The following SLC39A11 variants were observed in gnomAD, a reference collection of about 807,000 sequenced individuals.
SLC39A11 encodes solute carrier family 39 member 11.
Under a neutral mutation model 36.1 loss-of-function variants are expected in SLC39A11, and 33 were observed. The ratio of observed to expected loss-of-function variants is 0.91; its 90% confidence interval spans 0.69 to 1.22. SLC39A11 has a LOEUF of 1.22. SLC39A11 is among the 50% of genes most tolerant of loss of function. The pLI is 0.00. For synonymous variants in SLC39A11, 166 were observed against 170.3 expected (o/e 0.97, Z 0.20); for missense variants, 432 against 430.3 (o/e 1.00, Z -0.03).
At chr17:72,934,395 G>C (rs144547770) in intron 5 of SLC39A11, among the ~76,000 whole-genome samples, 4 of 152,306 alleles carry the variant, frequency 2.6e-5, no homozygotes, top group Non-Finnish European at 4.4e-5. Context: ...GCCGGGCACA[G>C]TGGCTCACAC....
At chr17:72,822,310 G>A (rs1330773656) in intron 6 of SLC39A11, among the ~76,000 whole-genome samples, 3 of 146,960 alleles carry the variant, frequency 2.0e-5, no homozygotes, top group African/African-American at 7.4e-5. Flanking sequence ...TATATAGAGA[G>A]ATATAATATA....
chr17:72,829,953 C>T (rs1461485270), intron 6 of SLC39A11, among the ~76,000 whole-genome samples: 2 of 152,014 alleles, frequency 1.3e-5, no homozygotes, highest in Non-Finnish European at 2.9e-5. Flanking sequence ...GGGATCGGTG[C>T]AGAGTCAGGG....
intron 7 of SLC39A11, among the ~76,000 whole-genome samples, chr17:72,705,895 A>G (rs1022871712): frequency 2.0e-5 from 3 of 152,228 alleles, no homozygotes; most frequent in Non-Finnish European, 2.9e-5. Flanking sequence ...TTAATCCTGG[A>G]TCCAGAGAGT....
chr17:72,687,418 T>C (rs1397332733), intron 7 of SLC39A11, among the ~76,000 whole-genome samples: 1 of 152,220 alleles, frequency 6.6e-6, no homozygotes, highest in African/African-American at 2.4e-5. Flanking sequence ...TAATTTTTTG[T>C]ATTTTTAGTA....
chr17:73,068,013 T>G (rs2060047381), intron 3 of SLC39A11: 2 of 1,593,682 alleles, frequency 1.3e-6, no homozygotes, highest in South Asian at 2.2e-5. Context: ...GCCACAAGTT[T>G]AAGAAACTTT....
At chr17:72,792,784 G>A (rs1361122161) in intron 6 of SLC39A11, among the ~76,000 whole-genome samples, 1 of 152,040 alleles carries the variant, frequency 6.6e-6, no homozygotes, top group Non-Finnish European at 1.5e-5. Context: ...TTTATATGGG[G>A]GTTGCATCTC....
chr17:72,970,864 C>T (rs909639086), intron 4 of SLC39A11, among the ~76,000 whole-genome samples: 2 of 152,240 alleles, frequency 1.3e-5, no homozygotes, highest in Non-Finnish European at 2.9e-5. Flanking sequence ...CTCCTTCGAG[C>T]TGGCCGCATG....
chr17:72,897,075 A>AAAAAAC (rs1309896435), intron 5 of SLC39A11, among the ~76,000 whole-genome samples: 1 of 147,366 alleles, frequency 6.8e-6, no homozygotes, highest in African/African-American at 2.5e-5. Flanking sequence ...AAAAAAACAA[A>AAAAAAC]CAGAAAAACA....
intron 6 of SLC39A11, among the ~76,000 whole-genome samples, chr17:72,792,077 C>T (rs903398796): frequency 2.0e-5 from 3 of 152,172 alleles, no homozygotes; most frequent in Non-Finnish European, 4.4e-5. Flanking sequence ...CCTTTAGTCA[C>T]TGCAGTGGTG....
chr17:72,753,513 G>A (rs762338251), intron 6 of SLC39A11, among the ~76,000 whole-genome samples: 1 of 152,070 alleles, frequency 6.6e-6, no homozygotes, highest in African/African-American at 2.4e-5. Context: ...CTTGCTTTAT[G>A]AGCATGATAA....
intron 4 of SLC39A11, among the ~76,000 whole-genome samples, chr17:72,988,747 T>C (rs2088949946): frequency 6.6e-6 from 1 of 152,168 alleles, no homozygotes; most frequent in Non-Finnish European, 1.5e-5. Context: ...CTCACTCTGT[T>C]GCCCAGTCTG....
chr17:73,088,630 A>T (rs2060820759), intron 2 of SLC39A11, 27 bp downstream of exon 2: 2 of 1,590,416 alleles, frequency 1.3e-6, no homozygotes, highest in Non-Finnish European at 1.7e-6. Context: ...CCCCACCAAC[A>T]TCCAGAACCA....
rs56021607 is a variant in SLC39A11, at chr17:73,062,475, A to AAAAAAAAAAAAAAAC, written c.147+22332_147+22333insGTTTTTTTTTTTTTT. On this transcript the variant is annotated intron_variant, in intron 3 of 9. Coordinates refer to ENST00000255559, the MANE Select transcript of SLC39A11 (RefSeq NM_139177.4). ...AGAGCTTGTCTCAAAAAAAAAAAAA[A>AAAAAAAAAAAAAAAC]AAACTTTAGGTGATACACTTCTGCT... Among the ~76,000 whole-genome samples, 450 of 86,872 alleles carry AAAAAAAAAAAAAAAC rather than the reference A, an allele frequency of 5.2e-3. 16 individuals carry two copies. The highest frequency in any genetic ancestry group is 6.5e-3 in the Non-Finnish European group (303 of 46,770). The allele number at this position is 86,872 out of a possible 152,430, so 57.0% of individuals were successfully genotyped here. A position where few individuals can be genotyped will look rare whatever the true frequency, so the allele number is the denominator to read the frequency against.
At chr17:72,791,970 G>A (rs919094642) in intron 6 of SLC39A11, among the ~76,000 whole-genome samples, 1 of 152,186 alleles carries the variant, frequency 6.6e-6, no homozygotes, top group African/African-American at 2.4e-5. Flanking sequence ...AGTGGCATGA[G>A]AATGGATTAA....
At chr17:72,977,885 A>T (rs2087979820) in intron 4 of SLC39A11, among the ~76,000 whole-genome samples, 1 of 152,206 alleles carries the variant, frequency 6.6e-6, no homozygotes, top group Non-Finnish European at 1.5e-5. Flanking sequence ...GGGAGAGCGA[A>T]GGTGCCCAGG....
At chr17:72,722,635 C>CA (rs1242797964) in intron 7 of SLC39A11, among the ~76,000 whole-genome samples, 50 of 149,612 alleles carry the variant, frequency 3.3e-4, no homozygotes, top group Non-Finnish European at 2.5e-4. Flanking sequence ...GTAAATAACA[C>CA]TTTTTTTTTT....
At chr17:72,948,941 G>A (rs1246079239) in intron 4 of SLC39A11, among the ~76,000 whole-genome samples, 1 of 151,934 alleles carries the variant, frequency 6.6e-6, no homozygotes, top group African/African-American at 2.4e-5. Flanking sequence ...ACTTACAAAT[G>A]CACAGGATCT....
At chr17:72,946,424 G>A (rs1301055140) in intron 5 of SLC39A11, among the ~76,000 whole-genome samples, 1 of 152,194 alleles carries the variant, frequency 6.6e-6, no homozygotes, top group African/African-American at 2.4e-5. Context: ...CCAGAGCCCT[G>A]GCTGCAGCAT....
At chr17:72,799,578 A>G (rs190349265) in intron 6 of SLC39A11, among the ~76,000 whole-genome samples, 138 of 152,032 alleles carry the variant, frequency 9.1e-4, no homozygotes, top group Admixed American at 2.5e-3. Context: ...TCCTGGGGGG[A>G]GATCTATAAA....
Sources: gnomAD v4.1 joint callset for allele counts (sites outside exome capture counted in the v4.1 genomes callset) on GRCh38, gnomAD v4.1.1 for gene constraint, MANE v1.5 for transcripts, NCBI Gene and HGNC (gene_info 2026-07-23, HGNC 2026-07-21) for gene names.